BCL7A: variants seen among roughly 807,000 people sequenced by gnomAD.
BCL7A encodes the protein B-cell CLL/lymphoma 7 protein family member A.
Under a neutral mutation model 28.4 loss-of-function variants are expected in BCL7A, and 11 were observed. That is an observed-to-expected ratio of 0.39 (90% CI 0.24 to 0.64). BCL7A has a LOEUF of 0.64. BCL7A is among the 30% of genes least tolerant of loss of function. The pLI, the probability that BCL7A is intolerant of heterozygous loss-of-function variation, is 0.50. For missense variants in BCL7A, 222 were observed against 274.8 expected (o/e 0.81, Z 1.36); for synonymous variants, 123 against 103.3 (o/e 1.19, Z -1.15).
chr12:122,022,805 G>C (rs1393410895), intron 1 of BCL7A, among the ~76,000 whole-genome samples: 1 of 151,812 alleles, frequency 6.6e-6, no homozygotes, highest in Non-Finnish European at 1.5e-5. Flanking sequence ...CCTGGAGCGA[G>C]GGCTCTCGGC....
chr12:122,027,871 A>G (rs1261244761), intron 1 of BCL7A, among the ~76,000 whole-genome samples: 1 of 152,156 alleles, frequency 6.6e-6, no homozygotes, highest in Non-Finnish European at 1.5e-5. Flanking sequence ...TAAGAAAGTG[A>G]TGAGTATAGC....
intron 4 of BCL7A, among the ~76,000 whole-genome samples, chr12:122,051,440 C>T (rs1264049407): frequency 6.6e-6 from 1 of 152,212 alleles, no homozygotes; most frequent in East Asian, 1.9e-4. Flanking sequence ...AATTCCTGTC[C>T]AAGCTCCCTG....
At chr12:122,035,103 C>T (rs1565936982) in intron 2 of BCL7A, among the ~76,000 whole-genome samples, 1 of 152,188 alleles carries the variant, frequency 6.6e-6, no homozygotes, top group Non-Finnish European at 1.5e-5. Context: ...GGGCCAGCCT[C>T]AGAACCCTCC....
chr12:122,056,745 G>A (rs941982722), intron 5 of BCL7A, among the ~76,000 whole-genome samples: 14 of 152,170 alleles, frequency 9.2e-5, no homozygotes, highest in African/African-American at 3.4e-4. Flanking sequence ...GTTCAAGGCT[G>A]CAGTGGGCTA....
rs1951922174 is a variant in BCL7A at position 122,061,499 on chromosome 12, A to G, written c.*2336A>G. ...AAGGCCTTCCACGCAGAATGACAAG[A>G]CTGCAAAAATCCGATGTGCTTCCTT... On this transcript the variant is annotated 3_prime_UTR_variant, in exon 6 of 6. Transcript: ENST00000261822. The G allele has an allele frequency of 8.6e-6, 2 of 232,636 alleles. No individual in the cohort carries two copies. The highest frequency in any genetic ancestry group is 1.2e-4 in the East Asian group (2 of 16,470). 14.4% of individuals were successfully genotyped at this position (232,636 alleles called of 1,614,324 possible). A position where few individuals can be genotyped will look rare whatever the true frequency, so the allele number is the denominator to read the frequency against.
chr12:122,046,943 G>A (rs1414807077), intron 4 of BCL7A, among the ~76,000 whole-genome samples: 2 of 147,828 alleles, frequency 1.4e-5, no homozygotes, highest in Non-Finnish European at 3.0e-5. Flanking sequence ...TTGCTCTGTC[G>A]CCCAGGCTGG....
chr12:122,036,136 C>T (rs750038230), intron 3 of BCL7A, among the ~76,000 whole-genome samples: 5 of 152,178 alleles, frequency 3.3e-5, no homozygotes, highest in South Asian at 2.1e-4. Flanking sequence ...CCACCGTGCC[C>T]GGCCTCCAAA....
intron 1 of BCL7A, among the ~76,000 whole-genome samples, chr12:122,023,291 G>A (rs1458260520): frequency 2.0e-5 from 3 of 152,252 alleles, no homozygotes; most frequent in Admixed American, 6.5e-5. Context: ...GAGAGGAGCC[G>A]CCGCAACGCT....
At chr12:122,035,302 C>G in intron 2 of BCL7A, 29 bp from the exon 3 acceptor site, 1 of 1,596,266 alleles carries the variant, frequency 6.3e-7, no homozygotes, top group Non-Finnish European at 8.6e-7. Flanking sequence ...GATCTGGTGA[C>G]TTGGTTTCTG....
rs1054142046 is a variant in BCL7A, at chr12:122,021,930, ATGTGTGTGTG to A, written c.-143_-134del. 2.3e-4 allele frequency: 91 copies of A among 388,184 alleles called. No individual in the cohort carries two copies. The highest frequency in any genetic ancestry group is 2.0e-4 in the Non-Finnish European group (43 of 211,744). The allele number at this position is 388,184 out of a possible 1,614,324, so 24.0% of individuals were successfully genotyped here. A position where few individuals can be genotyped will look rare whatever the true frequency, so the allele number is the denominator to read the frequency against. On this transcript the variant is annotated 5_prime_UTR_variant, in exon 1 of 6. An upstream open reading frame in the 5' UTR loses its in-frame stop. Transcript: ENST00000261822. The stretch of plus-strand genomic sequence containing the variant: ...GGCCCCGGGCTTTGTGTGTGTGTGT[ATGTGTGTGTG>A]TGTGTGTGTGTGTGTGTGAGTGTGT...
intron 4 of BCL7A, chr12:122,044,472 C>T (rs142405224): frequency 6.4e-4 from 101 of 158,270 alleles, no homozygotes; most frequent in African/African-American, 9.8e-4. Flanking sequence ...ATCATGCCTC[C>T]GCACTCCAGC....
At chr12:122,033,799 G>A (rs1453211619) in intron 2 of BCL7A, among the ~76,000 whole-genome samples, 1 of 152,132 alleles carries the variant, frequency 6.6e-6, no homozygotes, top group Non-Finnish European at 1.5e-5. Flanking sequence ...TATTCACAAA[G>A]TTGTGCACCT....
At position 122,034,423 on chromosome 12, in the gene BCL7A, C is replaced by T. The variant is rs191505350; in HGVS notation, c.175-908C>T. On this transcript the variant is annotated intron_variant, in intron 2 of 5. Coordinates refer to ENST00000261822, the MANE Select transcript of BCL7A (RefSeq NM_001024808.3). ...AGGTTGTTTCTAACATGATTCCTTTCGTAAAAAAAAAAAAAAAAAAAAAAT... is the reference window on the plus strand; with the variant it reads ...AGGTTGTTTCTAACATGATTCCTTTTGTAAAAAAAAAAAAAAAAAAAAAAT... 9.3e-4 allele frequency among the ~76,000 whole-genome samples: 72 copies of T among 77,098 alleles called. 1 individual carries two copies. The highest frequency in any genetic ancestry group is 1.7e-3 in the Non-Finnish European group (55 of 33,086). 50.6% of individuals were successfully genotyped at this position (77,098 alleles called of 152,430 possible).
chr12:122,038,052 C>G (rs1381613455), intron 3 of BCL7A, among the ~76,000 whole-genome samples: 2 of 151,758 alleles, frequency 1.3e-5, no homozygotes, highest in East Asian at 3.9e-4. Context: ...ACCTAGGAGG[C>G]AGAAGCTGCA....
intron 1 of BCL7A, among the ~76,000 whole-genome samples, chr12:122,025,066 G>C (rs2135837104): frequency 6.6e-6 from 1 of 152,242 alleles, no homozygotes; most frequent in African/African-American, 2.4e-5. Context: ...GTGGAGGTGA[G>C]GTGACCAGAA....
intron 1 of BCL7A, among the ~76,000 whole-genome samples, chr12:122,025,636 AAAG>A (rs1353599616): frequency 1.7e-4 from 25 of 149,768 alleles, no homozygotes; most frequent in Admixed American, 8.0e-4. Context: ...CAAAAAAAAA[AAAG>A]AAGAAGAAGA....
intron 5 of BCL7A, among the ~76,000 whole-genome samples, chr12:122,057,739 G>A (rs1593038663): frequency 6.6e-6 from 1 of 152,180 alleles, no homozygotes. Flanking sequence ...GGAATTCAGT[G>A]ACAACTACAG....
intron 4 of BCL7A, among the ~76,000 whole-genome samples, chr12:122,048,548 C>T (rs796853467): frequency 2.0e-5 from 3 of 152,080 alleles, no homozygotes; most frequent in South Asian, 2.1e-4. Context: ...CTCAGGAGCT[C>T]GAGACCAGCC....
At chr12:122,024,689 A>G (rs533507866) in intron 1 of BCL7A, among the ~76,000 whole-genome samples, 1 of 152,064 alleles carries the variant, frequency 6.6e-6, no homozygotes, top group East Asian at 1.9e-4. Flanking sequence ...AATACAGCAC[A>G]CCCAGTTAAA....
Sources: gnomAD v4.1 joint callset for allele counts (sites outside exome capture counted in the v4.1 genomes callset) on GRCh38, gnomAD v4.1.1 for gene constraint, MANE v1.5 for transcripts, NCBI Gene and HGNC (gene_info 2026-07-23, HGNC 2026-07-21) for gene names.